PCDH7: variants seen among roughly 807,000 people sequenced by gnomAD.
PCDH7 encodes protocadherin-7.
A neutral mutation model predicts 58.9 loss-of-function variants in PCDH7; 17 were observed. The ratio of observed to expected loss-of-function variants is 0.29; its 90% CI spans 0.20 to 0.43. The LOEUF (loss-of-function observed/expected upper bound fraction) is 0.43, where lower values mean the gene tolerates loss of function less well. PCDH7 is among the 20% of genes least tolerant of loss of function. The probability of loss-of-function intolerance (pLI) is 1.00; values close to 1 mark genes in which losing one functional copy is unlikely to be tolerated. For missense variants in PCDH7, 1,274 were observed against 1,441.0 expected, an observed-to-expected ratio of 0.88 and a Z score of 1.88; for synonymous variants, 664 against 616.4, an observed-to-expected ratio of 1.08 and a Z score of -1.14.
intron 1 of PCDH7, among the ~76,000 whole-genome samples, chr4:30,889,110 G>T (rs1738241615): frequency 7.0e-6 from 1 of 142,238 alleles, no homozygotes; most frequent in Admixed American, 7.3e-5. Flanking sequence ...CAGCCTGGGA[G>T]GCAGAGGTTG....
intron 1 of PCDH7, among the ~76,000 whole-genome samples, chr4:30,819,208 C>G (rs1049340996): frequency 6.6e-6 from 1 of 152,074 alleles, no homozygotes; most frequent in Admixed American, 6.6e-5. Context: ...TCAGTGTAAA[C>G]AGTGTCTTTT....
chr4:30,866,548 A>G (rs963255529), intron 1 of PCDH7, among the ~76,000 whole-genome samples: 6 of 152,088 alleles, frequency 3.9e-5, no homozygotes, highest in Admixed American at 3.9e-4. Context: ...AATATACTCC[A>G]GTTTCTAACT....
At chr4:31,065,537 A>G (rs1288804108) in intron 3 of PCDH7, among the ~76,000 whole-genome samples, 1 of 151,962 alleles carries the variant, frequency 6.6e-6, no homozygotes, top group East Asian at 1.9e-4. Context: ...AAGGAAAGAA[A>G]ATGTAACATG....
intron 1 of PCDH7, among the ~76,000 whole-genome samples, chr4:30,744,528 T>C (rs2109251746): frequency 6.6e-6 from 1 of 152,296 alleles, no homozygotes; most frequent in Middle Eastern, 3.4e-3. Context: ...GCTGACAGTC[T>C]TGTAGGGGAG....
chr4:30,987,137 G>A (rs1052548678), intron 3 of PCDH7, among the ~76,000 whole-genome samples: 1 of 151,968 alleles, frequency 6.6e-6, no homozygotes, highest in Non-Finnish European at 1.5e-5. Context: ...TTTATGATGA[G>A]AAAGCTAATA....
chr4:30,884,708 C>A (rs1438262933), intron 1 of PCDH7: 1 of 152,146 alleles, frequency 6.6e-6, no homozygotes, highest in African/African-American at 2.4e-5. Flanking sequence ...GGCCAGAACG[C>A]CTCCTAGTTT....
chr4:30,880,623 G>A (rs573445204), intron 1 of PCDH7, among the ~76,000 whole-genome samples: 4 of 152,058 alleles, frequency 2.6e-5, no homozygotes, highest in South Asian at 4.1e-4. Context: ...CTATCTTCTT[G>A]CCTATTTATT....
At chr4:31,112,501 T>C (rs975502648) in intron 3 of PCDH7, among the ~76,000 whole-genome samples, 2 of 152,208 alleles carry the variant, frequency 1.3e-5, no homozygotes, top group African/African-American at 4.8e-5. Flanking sequence ...ACATCTTTCA[T>C]GAGGCAAAAC....
intron 1 of PCDH7, among the ~76,000 whole-genome samples, chr4:30,918,473 C>G (rs1357633411): frequency 6.6e-6 from 1 of 151,474 alleles, no homozygotes; most frequent in Non-Finnish European, 1.5e-5. Context: ...GGTAAAATAT[C>G]ACAACTATAT....
Position 30,896,261 on chromosome 4 carries a change from T to C in PCDH7, c.71-23892T>C, listed in dbSNP as rs373819968. Among the ~76,000 whole-genome samples, 7 of 152,316 alleles carry C rather than the reference T, an allele frequency of 4.6e-5. 1 individual carries two copies. In the East Asian group the frequency reaches 9.7e-4, roughly 21 times the overall value. On this transcript the variant is annotated intron_variant, in intron 1 of 3. Transcript: ENST00000509759. Reference sequence around the variant, plus strand: ...ATTTGAACAGGCACTAAATTCTTGCTGTGAAGTTGAAAACTAAGCAAAATA... The same window carrying C: ...ATTTGAACAGGCACTAAATTCTTGCCGTGAAGTTGAAAACTAAGCAAAATA...
intron 3 of PCDH7, among the ~76,000 whole-genome samples, chr4:30,983,404 G>A (rs940978234): frequency 3.3e-5 from 5 of 152,150 alleles, no homozygotes; most frequent in African/African-American, 1.2e-4. Context: ...CTTGAGTGGA[G>A]GACTAGTTTG....
At chr4:30,995,480 C>A (rs1397720743) in intron 3 of PCDH7, among the ~76,000 whole-genome samples, 1 of 151,664 alleles carries the variant, frequency 6.6e-6, no homozygotes, top group Non-Finnish European at 1.5e-5. Flanking sequence ...CCACTGCACT[C>A]CAGCCTGGGC....
At chr4:30,966,722 G>A (rs915199947) in intron 3 of PCDH7, among the ~76,000 whole-genome samples, 1 of 152,132 alleles carries the variant, frequency 6.6e-6, no homozygotes, top group African/African-American at 2.4e-5. Context: ...GGCACTCTAT[G>A]TTGAGACTTG....
intron 2 of PCDH7, among the ~76,000 whole-genome samples, chr4:30,933,859 T>A (rs565367036): frequency 6.6e-6 from 1 of 152,338 alleles, no homozygotes; most frequent in East Asian, 1.9e-4. Context: ...CAATCTTTAA[T>A]TATATGAATA....
chr4:31,096,549 A>G (rs940467611), intron 3 of PCDH7, among the ~76,000 whole-genome samples: 1 of 152,228 alleles, frequency 6.6e-6, no homozygotes, highest in African/African-American at 2.4e-5. Context: ...TGGGAGCCAC[A>G]GCCTCAGAAG....
In PCDH7 at chr4:31,032,462, G is replaced by A. The variant is rs1165071167; in HGVS notation, c.*7+82247G>A. 2.6e-5 allele frequency among the ~76,000 whole-genome samples: 4 copies of A among 151,976 alleles called. No homozygotes were observed. In the East Asian group the frequency reaches 5.8e-4, roughly 22 times the overall value. On this transcript the variant is annotated intron_variant, in intron 3 of 3. Coordinates refer to the PCDH7 transcript ENST00000509759. ...GTCTCTACTAAAAATACAAAAATTA[G>A]CTTGTTGTGGTAGTGCATGACTGTA...
intron 3 of PCDH7, among the ~76,000 whole-genome samples, chr4:30,999,746 T>C (rs1275672873): frequency 6.6e-6 from 1 of 151,960 alleles, no homozygotes; most frequent in Non-Finnish European, 1.5e-5. Context: ...ATTTAGAGAG[T>C]GATTAGGTTC....
intron 3 of PCDH7, among the ~76,000 whole-genome samples, chr4:31,053,590 A>AT (rs1427315051): frequency 6.6e-6 from 1 of 152,144 alleles, no homozygotes; most frequent in East Asian, 1.9e-4. Context: ...AAAATAAAAA[A>AT]TAAAAAATCA....
chr4:31,039,271 A>G, intron 3 of PCDH7, among the ~76,000 whole-genome samples: 1 of 152,236 alleles, frequency 6.6e-6, no homozygotes, highest in East Asian at 1.9e-4. Flanking sequence ...ATCAGAGGCA[A>G]ATATTAGAGC....
Sources: allele counts gnomAD v4.1 joint callset (sites outside exome capture counted in the v4.1 genomes callset), GRCh38; gene constraint gnomAD v4.1.1; transcripts MANE v1.5; gene names NCBI Gene and HGNC (gene_info 2026-07-23, HGNC 2026-07-21).